YPEL1: variants seen among roughly 807,000 people sequenced by gnomAD.
The protein encoded by YPEL1 is protein yippee-like 1.
Under a neutral mutation model 17.3 loss-of-function variants are expected in YPEL1, and 7 were observed. That is an observed-to-expected ratio of 0.40 (90% CI 0.23 to 0.76). The LOEUF (loss-of-function observed/expected upper bound fraction) is 0.76, where lower values mean the gene tolerates loss of function less well. Ranked by LOEUF, YPEL1 falls within the 30% of genes least tolerant of loss-of-function variation. The probability of loss-of-function intolerance (pLI) is 0.35; values close to 1 mark genes in which losing one functional copy is unlikely to be tolerated. For synonymous variants in YPEL1, 59 were observed against 59.6 expected, an observed-to-expected ratio of 0.99 and a Z score of 0.05; for missense variants, 91 against 155.5, an observed-to-expected ratio of 0.59 and a Z score of 2.21.
chr22:21,728,354 C>T (rs756635022), intron 1 of YPEL1, among the ~76,000 whole-genome samples: 2 of 152,110 alleles, frequency 1.3e-5, no homozygotes, highest in Admixed American at 6.6e-5. Context: ...ACCGCCATCA[C>T]GGAGGGAATG....
At chr22:21,732,221 G>A (rs894103562) in intron 1 of YPEL1, among the ~76,000 whole-genome samples, 4 of 152,108 alleles carry the variant, frequency 2.6e-5, no homozygotes, top group Non-Finnish European at 4.4e-5. Context: ...AATCTATCTC[G>A]CACTGCTTGC....
intron 1 of YPEL1, among the ~76,000 whole-genome samples, chr22:21,735,062 G>A (rs1433926952): frequency 1.3e-5 from 2 of 152,148 alleles, no homozygotes; most frequent in Non-Finnish European, 2.9e-5. Context: ...GTCAATCAGA[G>A]CCAAGCATGG....
rs117358614 is a variant in YPEL1, at chr22:21,699,594, G to A, written c.*1535C>T. 0.017 allele frequency: 2,552 copies of A among 152,732 alleles called. 44 individuals are homozygous for A. Among genetic ancestry groups the A allele is most frequent in the Admixed American group, 0.033 (500 of 15,292 alleles). The allele number at this position is 152,732 out of a possible 1,614,324, so 9.5% of individuals were successfully genotyped here. ...ACAGCACCACGCAGGGACGGGCAAC[G>A]CGTCTAGCAGGCCAGGCGTCTTCAT... On this transcript the variant is annotated 3_prime_UTR_variant, in exon 5 of 5. Transcript: ENST00000339468.
chr22:21,703,591 C>G lies in YPEL1; in HGVS notation c.162-113G>C. 2.0e-6 allele frequency: 2 copies of G among 1,019,188 alleles called. No homozygotes were observed. Among genetic ancestry groups the G allele is most frequent in the Non-Finnish European group, 2.9e-6 (2 of 682,632 alleles). The allele number at this position is 1,019,188 out of a possible 1,614,324, so 63.1% of individuals were successfully genotyped here. A position where few individuals can be genotyped will look rare whatever the true frequency, so the allele number is the denominator to read the frequency against. The stretch of plus-strand genomic sequence containing the variant: ...TAAGAGTTCCCCCAAAACAGGGAAA[C>G]TCCCAGAGAGCAGTGCCGTGCCTCT... On this transcript the variant is annotated intron_variant, in intron 3 of 4. Transcript: ENST00000339468. The surrounding 1 kb of genome is among the most constrained non-coding windows in gnomAD (Gnocchi z 6.1).
intron 1 of YPEL1, among the ~76,000 whole-genome samples, chr22:21,720,636 A>G (rs923710021): frequency 1.3e-5 from 2 of 151,474 alleles, no homozygotes; most frequent in Non-Finnish European, 2.9e-5. Flanking sequence ...GCCTACAGGC[A>G]TGCACCACCA....
intron 1 of YPEL1, among the ~76,000 whole-genome samples, chr22:21,723,898 C>T (rs1027098565): frequency 6.6e-6 from 1 of 152,010 alleles, no homozygotes; most frequent in East Asian, 1.9e-4. Context: ...AACTCCTGAC[C>T]TCAGGTGATC....
chr22:21,703,493 G>A lies in YPEL1; in HGVS notation c.162-15C>T, dbSNP rs2068085182. 6.2e-7 allele frequency: 1 copy of A among 1,602,372 alleles called. No individual in the cohort carries two copies. Among genetic ancestry groups the A allele is most frequent in the Non-Finnish European group, 8.5e-7 (1 of 1,177,210 alleles). On this transcript the variant is annotated splice_polypyrimidine_tract_variant and intron_variant, in intron 3 of 4. Transcript: ENST00000339468. The surrounding 1 kb of genome is among the most constrained non-coding windows in gnomAD (Gnocchi z 6.1). ...CCACGTTCACCCTGCGGGGACAGAGGGGCCACTGCGCTGCAGGCCCGGCCC... is the reference window on the plus strand; with the variant it reads ...CCACGTTCACCCTGCGGGGACAGAGAGGCCACTGCGCTGCAGGCCCGGCCC...
At chr22:21,717,152 C>A (rs557017730) in intron 1 of YPEL1, among the ~76,000 whole-genome samples, 1 of 151,414 alleles carries the variant, frequency 6.6e-6, no homozygotes, top group African/African-American at 2.4e-5. Context: ...GGGCGGGGGG[C>A]GGATCACAAG....
chr22:21,704,802 C>T lies in YPEL1; in HGVS notation c.118-920G>A, dbSNP rs144649111. Among the ~76,000 whole-genome samples, 14 of 152,146 alleles carry T rather than the reference C, an allele frequency of 9.2e-5. No individual in the cohort carries two copies. The East Asian group carries it at 1.7e-3, about 19-fold the overall frequency. ...ATTCACGTATGCTAAGATGGCTGAG[C>T]GTGAAAGAGCCAGAATAGGGCATCT... On this transcript the variant is annotated intron_variant, in intron 2 of 4. Coordinates refer to ENST00000339468, the MANE Select transcript of YPEL1 (RefSeq NM_013313.5).
intron 1 of YPEL1, among the ~76,000 whole-genome samples, chr22:21,732,626 A>C (rs1204467422): frequency 6.6e-6 from 1 of 152,122 alleles, no homozygotes; most frequent in Non-Finnish European, 1.5e-5. Context: ...TATTAAAAAT[A>C]CAAAAATTAG....
At chr22:21,710,171 C>T (rs2068151383) in intron 2 of YPEL1, among the ~76,000 whole-genome samples, 1 of 152,182 alleles carries the variant, frequency 6.6e-6, no homozygotes, top group African/African-American at 2.4e-5. Flanking sequence ...GAGCTTCACC[C>T]AGGGCTCCTA....
intron 2 of YPEL1, among the ~76,000 whole-genome samples, chr22:21,708,331 CTTTTT>C (rs775485136): frequency 4.1e-4 from 42 of 102,120 alleles, no homozygotes; most frequent in African/African-American, 1.3e-3. Flanking sequence ...AGGCTTCTGC[CTTTTT>C]TTTTTTTTTT....
Position 21,698,286 on chromosome 22 carries a change from C to T in YPEL1, c.*2843G>A, listed in dbSNP as rs1431967741. ...CAAAAAAAAAAAAAAATACAAAAGT[C>T]ATAAGACTACTAGTAAAAAATGTTC... On this transcript the variant is annotated 3_prime_UTR_variant, in exon 5 of 5. Transcript: ENST00000339468. The T allele has an allele frequency of 6.9e-6, 1 of 144,892 alleles. No individual in the cohort carries two copies. The highest frequency in any genetic ancestry group is 1.5e-5 in the Non-Finnish European group (1 of 65,450). The allele number at this position is 144,892 out of a possible 1,614,324, so 9.0% of individuals were successfully genotyped here. A position where few individuals can be genotyped will look rare whatever the true frequency, so the allele number is the denominator to read the frequency against.
chr22:21,723,343 C>T (rs1287153909), intron 1 of YPEL1, among the ~76,000 whole-genome samples: 1 of 150,036 alleles, frequency 6.7e-6, no homozygotes, highest in African/African-American at 2.5e-5. Context: ...TACAGAAGTG[C>T]ACACTGCACC....
intron 1 of YPEL1, among the ~76,000 whole-genome samples, chr22:21,733,756 A>G (rs1191984506): frequency 6.6e-6 from 1 of 152,224 alleles, no homozygotes; most frequent in Non-Finnish European, 1.5e-5. Context: ...TAAACAAACC[A>G]AAACAAACCA....
At chr22:21,723,352 C>A (rs922885867) in intron 1 of YPEL1, among the ~76,000 whole-genome samples, 3 of 148,944 alleles carry the variant, frequency 2.0e-5, no homozygotes, top group African/African-American at 7.5e-5. Flanking sequence ...GCACACTGCA[C>A]CTGGTGGGGG....
At position 21,733,428 on chromosome 22, in the gene YPEL1, CAAAT is replaced by C. The variant is rs552690537; in HGVS notation, c.-165+2183_-165+2186del. ...GCGAGACTCTGTCTCAAAAAATAAA[CAAAT>C]AAAGTAACAAAACAAAACTAACTGG... On this transcript the variant is annotated intron_variant, in intron 1 of 4. Transcript: ENST00000339468. Among the ~76,000 whole-genome samples, 839 of 150,450 alleles carry C rather than the reference CAAAT, an allele frequency of 5.6e-3. 7 individuals carry two copies. Among genetic ancestry groups the C allele is most frequent in the African/African-American group, 0.019 (758 of 40,884 alleles).
At chr22:21,716,366 G>C (rs1336020068) in intron 1 of YPEL1, among the ~76,000 whole-genome samples, 2 of 152,248 alleles carry the variant, frequency 1.3e-5, no homozygotes, top group Non-Finnish European at 2.9e-5. Context: ...GCATCCAGGG[G>C]CTGACAAGAC....
intron 1 of YPEL1, among the ~76,000 whole-genome samples, chr22:21,713,908 A>C (rs2068195957): frequency 6.6e-6 from 1 of 152,108 alleles, no homozygotes; most frequent in African/African-American, 2.4e-5. Context: ...GCCTGCAGAG[A>C]GTCAGGCACA....
Sources: allele counts gnomAD v4.1 joint callset (sites outside exome capture counted in the v4.1 genomes callset), GRCh38; gene constraint gnomAD v4.1.1; non-coding constraint Gnocchi (gnomAD v3.1); transcripts MANE v1.5; gene names NCBI Gene and HGNC (gene_info 2026-07-23, HGNC 2026-07-21).